The following SMTNL1 variants were observed in gnomAD, a reference collection of about 807,000 sequenced individuals.
SMTNL1 encodes the protein smoothelin-like protein 1.
Under a neutral mutation model 46.6 loss-of-function variants are expected in SMTNL1, and 41 were observed. That is an observed-to-expected ratio of 0.88 (90% CI 0.69 to 1.14). The LOEUF (loss-of-function observed/expected upper bound fraction) is 1.14. SMTNL1 is among the 50% of genes most tolerant of loss of function. The probability of loss-of-function intolerance (pLI) is 0.00; values close to 1 mark genes in which losing one functional copy is unlikely to be tolerated. For missense variants in SMTNL1, 591 were observed against 626.1 expected, an observed-to-expected ratio of 0.94 and a Z score of 0.60; for synonymous variants, 234 against 234.2, an observed-to-expected ratio of 1.00 and a Z score of 0.01.
chr11:57,543,802 G>T (rs760989396), intron 3 of SMTNL1, 46 bp downstream of exon 3: 1 of 1,556,556 alleles, frequency 6.4e-7, no homozygotes, highest in South Asian at 1.2e-5. Flanking sequence ...AGGCCACCTG[G>T]GGGAGGGGCG....
chr11:57,544,670 G>T (rs567163243), intron 4 of SMTNL1, among the ~76,000 whole-genome samples: 1 of 152,148 alleles, frequency 6.6e-6, no homozygotes, highest in South Asian at 2.1e-4. Flanking sequence ...TATCTACCTC[G>T]TAGGATTATT....
At position 57,549,889 on chromosome 11, in the gene SMTNL1, G is replaced by T. The variant is rs1944945035; in HGVS notation, c.1341-79G>T. On this transcript the variant is annotated intron_variant, in intron 7 of 7. Transcript: ENST00000527972. ...CCATCCTATGGGCTTCGTCATTGCT[G>T]GGCTGCCTGCACCCATCCCCTTGGC... 5.3e-6 allele frequency: 8 copies of T among 1,520,078 alleles called. No individual in the cohort carries two copies. The South Asian group carries it at 6.1e-5, about 12-fold the overall frequency. 94.2% of individuals were successfully genotyped at this position (1,520,078 alleles called of 1,614,324 possible).
chr11:57,548,196 G>A (rs897452664), intron 7 of SMTNL1, among the ~76,000 whole-genome samples: 19 of 152,172 alleles, frequency 1.2e-4, no homozygotes, highest in African/African-American at 4.6e-4. Context: ...GTGTCACAGA[G>A]CCCCAAAGGG....
intron 5 of SMTNL1, 83 bp from the exon 6 acceptor site, chr11:57,546,150 C>A (rs747535453): frequency 6.6e-7 from 1 of 1,504,940 alleles, no homozygotes; most frequent in African/African-American, 1.4e-5. Context: ...GGACTGACAC[C>A]TGGGGGCTGG....
At chr11:57,538,086 G>A (rs1016765898) in intron 1 of SMTNL1, among the ~76,000 whole-genome samples, 37 of 151,126 alleles carry the variant, frequency 2.4e-4, no homozygotes, top group South Asian at 4.2e-4. Context: ...TAGTGTTAAC[G>A]TATTTTACAT....
intron 1 of SMTNL1, among the ~76,000 whole-genome samples, chr11:57,542,043 G>A (rs991884891): frequency 4.6e-5 from 7 of 151,708 alleles, no homozygotes; most frequent in African/African-American, 1.7e-4. Flanking sequence ...CGAGGCAGGT[G>A]GATTGCTTGA....
intron 1 of SMTNL1, among the ~76,000 whole-genome samples, chr11:57,538,753 TGGCTCCCTAATG>T (rs908265208): frequency 6.6e-6 from 1 of 152,208 alleles, no homozygotes; most frequent in African/African-American, 2.4e-5. Context: ...AAATCCCCAT[TGGCTCCCTAATG>T]GGGCCAATAA....
At chr11:57,544,810 C>G (rs1410168450) in intron 4 of SMTNL1, among the ~76,000 whole-genome samples, 1 of 151,460 alleles carries the variant, frequency 6.6e-6, no homozygotes, top group African/African-American at 2.4e-5. Context: ...TTATCTGGAG[C>G]TGAAATCTGC....
At chr11:57,538,049 T>A (rs2135259028) in intron 1 of SMTNL1, among the ~76,000 whole-genome samples, 1 of 150,624 alleles carries the variant, frequency 6.6e-6, no homozygotes, top group Non-Finnish European at 1.5e-5. Flanking sequence ...TTTTTTGCAA[T>A]TTTTGTTTTA....
At chr11:57,549,392 C>T (rs998972925) in intron 7 of SMTNL1, among the ~76,000 whole-genome samples, 2 of 152,082 alleles carry the variant, frequency 1.3e-5, no homozygotes, top group African/African-American at 4.8e-5. Context: ...CAGATACATA[C>T]GCATGTGGAA....
chr11:57,538,030 A>ATT (rs36094958), intron 1 of SMTNL1, among the ~76,000 whole-genome samples: 1,542 of 147,686 alleles, frequency 0.01, 14 homozygotes, highest in Middle Eastern at 0.014. Flanking sequence ...ACATTATGAG[A>ATT]TTTTTTTTTT....
At chr11:57,549,867 T>A in intron 7 of SMTNL1, 101 bp from the exon 8 acceptor site, 3 of 1,296,016 alleles carry the variant, frequency 2.3e-6, no homozygotes, top group Non-Finnish European at 3.3e-6. Context: ...TCCCAGCCCA[T>A]CCTATGGGCT....
rs1257740190 is a variant in SMTNL1, at chr11:57,542,792, A to G, written c.150A>G (p.Ser50=). The change falls in exon 2 of 8, where the codon TCA becomes TCG. Residue 50 remains serine, a synonymous_variant. Transcript: ENST00000527972. ...KAINEGPPTE[S]GKQEKAPAED... ...TCAATGAGGGGCCTCCCACTGAGTC[A>G]GGAAAGCAGGAAAAGGCACCAGCCG... is the stretch of plus-strand genomic sequence containing the variant. The G allele has an allele frequency of 3.7e-6, 6 of 1,613,822 alleles. No homozygotes were observed. In the East Asian group the frequency reaches 6.7e-5, roughly 18 times the overall value.
At chr11:57,543,508 G>T in intron 2 of SMTNL1, 116 bp from the exon 3 acceptor site, 1 of 1,516,326 alleles carries the variant, frequency 6.6e-7, no homozygotes, top group South Asian at 1.3e-5. Context: ...GGGGGAGGGG[G>T]GACAAGGAGT....
chr11:57,544,339 C>A (rs1390882117), intron 4 of SMTNL1, among the ~76,000 whole-genome samples: 1 of 152,200 alleles, frequency 6.6e-6, no homozygotes, highest in Admixed American at 6.5e-5. Flanking sequence ...GAGATTGCGC[C>A]ATTGCACTGC....
rs773069287 is a variant in SMTNL1, at chr11:57,545,951, G to T, written c.988G>T (p.Ala330Ser). 9 of 1,613,680 alleles carry T rather than the reference G, an allele frequency of 5.6e-6. No individual in the cohort carries two copies. Among genetic ancestry groups the T allele is most frequent in the Non-Finnish European group, 7.6e-6 (9 of 1,179,776 alleles). ...TTCCTCAGGGGAGAAGAAGGAGAAG[G>T]CACCAGAGCGCAGGGTATCAGCCCC... ...SPSSGEKKEK[A>S]PERRVSAPAR... The change falls in exon 5 of 8, where the codon GCA becomes TCA. Residue 330 changes from alanine (A) to serine (S), a missense_variant. Physicochemically the swap from Ala to Ser is moderately conservative, Grantham distance 99. Coordinates refer to ENST00000527972, the MANE Select transcript of SMTNL1 (RefSeq NM_001105565.3).
intron 4 of SMTNL1, 58 bp from the exon 5 acceptor site, chr11:57,545,823 T>A: frequency 3.9e-4 from 338 of 859,378 alleles, no homozygotes; most frequent in Non-Finnish European, 5.2e-4. Context: ...GCCCCCTCCC[T>A]GTGTCCTGCA....
intron 7 of SMTNL1, among the ~76,000 whole-genome samples, chr11:57,547,889 G>C (rs1944932999): frequency 6.6e-6 from 1 of 152,236 alleles, no homozygotes; most frequent in South Asian, 2.1e-4. Context: ...TTCCTCTGGG[G>C]CCCTGGTTTC....
rs12223229 is a variant in SMTNL1 at position 57,545,996 on chromosome 11, C to A, written c.1033C>A (p.Arg345=). 6.9e-6 allele frequency: 11 copies of A among 1,602,588 alleles called. No individual in the cohort carries two copies. In the Admixed American group the frequency reaches 7.0e-5, roughly 10 times the overall value. ...VSAPARPRGP[R]AQNRKAIVDK... is the part of the protein sequence containing the mutation. ...AGCCCCTGCTCGGCCCCGGGGGCCC[C>A]GGGCACAGAACCGCAAAGCCATCGT... Residue 345 remains arginine, a synonymous_variant, in exon 5 of 8, where the codon CGG becomes AGG. Coordinates refer to ENST00000527972, the MANE Select transcript of SMTNL1 (RefSeq NM_001105565.3).
Sources: gnomAD v4.1 joint callset for allele counts (sites outside exome capture counted in the v4.1 genomes callset) on GRCh38, gnomAD v4.1.1 for gene constraint, MANE v1.5 for transcripts, NCBI Gene and HGNC (gene_info 2026-07-23, HGNC 2026-07-21) for gene names.